The following PRKRA variants were observed in gnomAD, a reference collection of about 807,000 sequenced individuals.
The protein encoded by PRKRA is protein activator of interferon induced protein kinase EIF2AK2, also known as interferon-inducible double-stranded RNA-dependent protein kinase activator A.
PRKRA carries 22 observed loss-of-function variants against 32.4 expected under a neutral mutation model. The observed-to-expected ratio is 0.68, with a 90% CI of 0.49 to 0.97. PRKRA has a LOEUF of 0.97. PRKRA is among the 50% of genes least tolerant of loss of function. PRKRA has a pLI of 0.00. For missense variants in PRKRA, 319 were observed against 375.6 expected, an observed-to-expected ratio of 0.85 and a Z score of 1.25; for synonymous variants, 139 against 129.8, an observed-to-expected ratio of 1.07 and a Z score of -0.48.
At chr2:178,445,641 A>T (rs1489285760) in intron 3 of PRKRA, 1 of 154,512 alleles carries the variant, frequency 6.5e-6, no homozygotes, top group Non-Finnish European at 1.5e-5. Context: ...AAATGTACTT[A>T]ATGGTTGGGT....
In PRKRA at chr2:178,431,825, TTC is replaced by T. The variant is rs2154124401; in HGVS notation, c.*270_*271del. 1.1e-5 allele frequency: 5 copies of T among 472,624 alleles called. No individual in the cohort carries two copies. The highest frequency in any genetic ancestry group is 1.0e-4 in the South Asian group (4 of 39,664). 29.3% of individuals were successfully genotyped at this position (472,624 alleles called of 1,614,324 possible). A position where few individuals can be genotyped will look rare whatever the true frequency, so the allele number is the denominator to read the frequency against. Reference sequence around the variant, plus strand: ...TCATCATCAACAACAAACATGCAGTTTCTTTCTCTGATGTGCATGGCACTGTA... The same window carrying T: ...TCATCATCAACAACAAACATGCAGTTTTTCTCTGATGTGCATGGCACTGTA... On this transcript the variant is annotated 3_prime_UTR_variant, in exon 8 of 8. Transcript: ENST00000325748.
At chr2:178,436,064 A>G (rs1696880416) in intron 7 of PRKRA, 81 bp downstream of exon 7, 1 of 1,001,410 alleles carries the variant, frequency 1.0e-6, no homozygotes, top group South Asian at 1.8e-5. Context: ...AGAAATTTTT[A>G]TTCCTCAAAC....
chr2:178,444,536 AT>A (rs1215635033), intron 3 of PRKRA, 36 bp from the exon 4 acceptor site: 1 of 1,458,754 alleles, frequency 6.9e-7, no homozygotes. Context: ...AAACAAAATA[AT>A]TTCCCCCGAA....
chr2:178,438,799 C>G (rs1697006206), intron 6 of PRKRA: 1 of 152,224 alleles, frequency 6.6e-6, no homozygotes, highest in African/African-American at 2.4e-5. Flanking sequence ...CTGACTCAGC[C>G]TCCGGAGTAG....
At chr2:178,441,496 G>T (rs937237115) in intron 6 of PRKRA, 114 bp downstream of exon 6, 1 of 884,850 alleles carries the variant, frequency 1.1e-6, no homozygotes, top group Non-Finnish European at 1.8e-6. Context: ...GAATAATGAA[G>T]AGATTTCTAA....
At chr2:178,441,833 T>TA (rs908045117) in intron 5 of PRKRA, 129 bp from the exon 6 acceptor site, 11 of 753,430 alleles carry the variant, frequency 1.5e-5, no homozygotes, top group African/African-American at 1.8e-5. Flanking sequence ...ACTATGTTCT[T>TA]ACTGACCTGA....
chr2:178,444,306 G>T, intron 4 of PRKRA, 116 bp downstream of exon 4: 1 of 899,666 alleles, frequency 1.1e-6, no homozygotes, highest in Non-Finnish European at 1.8e-6. Context: ...ATCGTAAGTT[G>T]GAAAACAAAA....
Position 178,447,579 on chromosome 2 carries a change from A to G in PRKRA, c.243T>C (p.Gly81=). 9 of 1,614,174 alleles carry G rather than the reference A, an allele frequency of 5.6e-6. No individual in the cohort carries two copies. The highest frequency in any genetic ancestry group is 7.6e-6 in the Non-Finnish European group (9 of 1,180,006). ...TATGTTTCGCCAGCTTCTTACTTGT[A>G]CCTTCACCTGAATTAAGATTTAAAA... is the stretch of plus-strand genomic sequence containing the variant. The part of the protein sequence containing the change: ...TVGDITCTGE[G]TSKKLAKHRA... Residue 81 remains glycine, a synonymous_variant, in exon 3 of 8, where the codon GGT becomes GGC. Transcript: ENST00000325748.
intron 3 of PRKRA, 122 bp from the exon 4 acceptor site, chr2:178,444,622 G>T: frequency 1.3e-6 from 1 of 795,314 alleles, no homozygotes; most frequent in Non-Finnish European, 2.1e-6. Flanking sequence ...TACATGGAAT[G>T]CCCTTTTCTC....
chr2:178,449,617 ACTT>A (rs1697466347), intron 2 of PRKRA, among the ~76,000 whole-genome samples: 1 of 152,234 alleles, frequency 6.6e-6, no homozygotes, highest in Non-Finnish European at 1.5e-5. Flanking sequence ...TTGCTTTGTG[ACTT>A]CATTGCTATA....
At position 178,444,440 on chromosome 2, in the gene PRKRA, A is replaced by G. The variant is rs759089570; in HGVS notation, c.378T>C (p.Asn126=). Residue 126 remains asparagine (N), a synonymous_variant, in exon 4 of 8, where the codon AAT becomes AAC. Coordinates refer to ENST00000325748, the MANE Select transcript of PRKRA (RefSeq NM_003690.5). Reference sequence around the variant, plus strand: ...AACTTACCTGTAATGAACCAATAGGATTAAGCTGGTTCTTTGGTTGCTTGG... The same window carrying G: ...AACTTACCTGTAATGAACCAATAGGGTTAAGCTGGTTCTTTGGTTGCTTGG... ...DPSKQPKNQL[N]PIGSLQELAI... 2 of 1,599,758 alleles carry G rather than the reference A, an allele frequency of 1.3e-6. No individual in the cohort carries two copies. The highest frequency in any genetic ancestry group is 2.3e-5 in the East Asian group (1 of 43,250).
chr2:178,436,077 AT>A, intron 7 of PRKRA, 67 bp downstream of exon 7: 10 of 1,407,572 alleles, frequency 7.1e-6, no homozygotes, highest in Non-Finnish European at 9.9e-6. Flanking sequence ...CCTCAAACAC[AT>A]TTTTGTTCCT....
intron 6 of PRKRA, chr2:178,439,426 G>A (rs911511101): frequency 3.9e-5 from 6 of 151,956 alleles, no homozygotes; most frequent in African/African-American, 1.5e-4. Flanking sequence ...ACATAACTCT[G>A]GGCAATATGG....
intron 6 of PRKRA, chr2:178,439,707 A>C (rs1697042050): frequency 6.6e-6 from 1 of 152,120 alleles, no homozygotes; most frequent in Non-Finnish European, 1.5e-5. Flanking sequence ...ATAATGTATA[A>C]ATATATAACC....
rs1697522038 is a variant in PRKRA, at chr2:178,450,310, C to T, written c.167G>A (p.Arg56Lys). The T allele has an allele frequency of 3.7e-6, 6 of 1,614,154 alleles. No homozygotes were observed. Among genetic ancestry groups the T allele is most frequent in the Non-Finnish European group, 4.2e-6 (5 of 1,180,056 alleles). The change falls in exon 2 of 8, where the codon AGA becomes AAA. Residue 56 changes from arginine (R) to lysine (K), a missense_variant. Coordinates refer to ENST00000325748, the MANE Select transcript of PRKRA (RefSeq NM_003690.5). ...TKNIPVYECE[R>K]SDVQIHVPTF... ...GGGCACGTGTATTTGCACATCAGATCTTTCACATTCATAAACTGGGATGTT... is the reference window on the plus strand; with the variant it reads ...GGGCACGTGTATTTGCACATCAGATTTTTCACATTCATAAACTGGGATGTT...
chr2:178,441,793 G>A (rs1697124967), intron 5 of PRKRA, 89 bp from the exon 6 acceptor site: 1 of 833,510 alleles, frequency 1.2e-6, no homozygotes, highest in Non-Finnish European at 1.8e-6. Flanking sequence ...TGTTTAATCA[G>A]AGAACCTCAC....
At chr2:178,447,218 T>G (rs1412223496) in intron 3 of PRKRA, 1 of 354,998 alleles carries the variant, frequency 2.8e-6, no homozygotes, top group Non-Finnish European at 5.1e-6. Context: ...TACAAAATGT[T>G]AATATTAATA....
chr2:178,439,689 G>C (rs1427762806), intron 6 of PRKRA: 1 of 151,894 alleles, frequency 6.6e-6, no homozygotes, highest in African/African-American at 2.4e-5. Flanking sequence ...ATATTAATGG[G>C]AATGAGTATA....
At position 178,440,836 on chromosome 2, in the gene PRKRA, CTT is replaced by C. The variant is rs1697085103; in HGVS notation, c.609+772_609+773del. 4.6e-5 allele frequency among the ~76,000 whole-genome samples: 7 copies of C among 152,310 alleles called. No homozygotes were observed. In the South Asian group the frequency reaches 1.5e-3, roughly 32 times the overall value. ...ATCCTGTCCTTCCCAGATTAAAATTCTTTAATGACTTTGTACTACCCTTGGGA... is the reference window on the plus strand; with the variant it reads ...ATCCTGTCCTTCCCAGATTAAAATTCTAATGACTTTGTACTACCCTTGGGA... On this transcript the variant is annotated intron_variant, in intron 6 of 7. Transcript: ENST00000325748.
Sources: gnomAD v4.1 joint callset for allele counts (sites outside exome capture counted in the v4.1 genomes callset) on GRCh38, gnomAD v4.1.1 for gene constraint, MANE v1.5 for transcripts, NCBI Gene and HGNC (gene_info 2026-07-23, HGNC 2026-07-21) for gene names.